The following BCL2 variants were observed in gnomAD, a reference collection of about 807,000 sequenced individuals.
The protein encoded by BCL2 is apoptosis regulator Bcl-2.
In BCL2, 1 loss-of-function variant was observed where a neutral mutation model predicts 14.2. That is an observed-to-expected ratio of 0.07 (90% CI 0.02 to 0.33). BCL2 has a LOEUF of 0.33. Among genes scored for constraint, BCL2 ranks in the 10% least tolerant of loss-of-function variants. BCL2 has a pLI of 0.99. For synonymous variants in BCL2, 151 were observed against 137.2 expected, an observed-to-expected ratio of 1.10 and a Z score of -0.70; for missense variants, 247 against 305.9, an observed-to-expected ratio of 0.81 and a Z score of 1.44.
intron 2 of BCL2, among the ~76,000 whole-genome samples, chr18:63,255,465 C>G (rs116681425): frequency 6.6e-6 from 1 of 152,156 alleles, no homozygotes; most frequent in Admixed American, 6.5e-5. Flanking sequence ...ATTGGAAAGC[C>G]GTATCTGATT....
Position 63,220,690 on chromosome 18 carries a change from A to G in BCL2, c.586-91931T>C, listed in dbSNP as rs564411601. ...AAAGAGGATCAGATGAATTCATCAT[A>G]TGGTGCTAATGACATGGTTCAAATG... On this transcript the variant is annotated intron_variant, in intron 2 of 2. Transcript: ENST00000333681. Among the ~76,000 whole-genome samples the G allele has an allele frequency of 1.5e-3, 235 of 152,346 alleles. 1 individual carries two copies. Among genetic ancestry groups the G allele is most frequent in the African/African-American group, 5.5e-3 (227 of 41,574 alleles).
chr18:63,144,126 A>G (rs959705813), intron 2 of BCL2, among the ~76,000 whole-genome samples: 1 of 152,228 alleles, frequency 6.6e-6, no homozygotes, highest in African/African-American at 2.4e-5. Context: ...TCCACAGGCA[A>G]CATGTTTTTC....
At chr18:63,137,992 C>T (rs762255343) in intron 2 of BCL2, among the ~76,000 whole-genome samples, 5 of 152,184 alleles carry the variant, frequency 3.3e-5, no homozygotes, top group Non-Finnish European at 5.9e-5. Flanking sequence ...GCTGGAGACT[C>T]ATTGGCAATA....
At chr18:63,294,035 T>C (rs886162834) in intron 2 of BCL2, among the ~76,000 whole-genome samples, 4 of 152,138 alleles carry the variant, frequency 2.6e-5, no homozygotes. Flanking sequence ...CAAAAGCCTG[T>C]CATTCTTAAA....
chr18:63,252,097 A>T (rs9807663), intron 2 of BCL2, among the ~76,000 whole-genome samples: 124,935 of 152,202 alleles, frequency 0.82, 52,577 homozygotes, highest in Non-Finnish European at 0.92. Context: ...CAAGGATAGA[A>T]TTATGTCTCT....
intron 2 of BCL2, among the ~76,000 whole-genome samples, chr18:63,297,212 C>CAAAA (rs886702866): frequency 7.1e-6 from 1 of 140,882 alleles, no homozygotes; most frequent in Admixed American, 7.1e-5. Context: ...AACTCTGTCT[C>CAAAA]AAAAAAAAAA....
chr18:63,198,107 G>A (rs1476572702), intron 2 of BCL2, among the ~76,000 whole-genome samples: 1 of 152,086 alleles, frequency 6.6e-6, no homozygotes, highest in Non-Finnish European at 1.5e-5. Context: ...TGAGTTGAAG[G>A]AAGACGGTTT....
intron 2 of BCL2, among the ~76,000 whole-genome samples, chr18:63,182,592 C>T (rs920235059): frequency 6.6e-6 from 1 of 152,168 alleles, no homozygotes; most frequent in African/African-American, 2.4e-5. Flanking sequence ...GAGCAGCTAC[C>T]ACAGCCACCC....
chr18:63,219,205 T>G (rs1376827191), intron 2 of BCL2, among the ~76,000 whole-genome samples: 1 of 152,232 alleles, frequency 6.6e-6, no homozygotes, highest in Non-Finnish European at 1.5e-5. Context: ...GGTTTTTGTT[T>G]GTGCTGTTCC....
chr18:63,235,236 C>A (rs1005611953), intron 2 of BCL2, among the ~76,000 whole-genome samples: 5 of 152,226 alleles, frequency 3.3e-5, no homozygotes, highest in African/African-American at 1.2e-4. Context: ...GGGGCTTGCA[C>A]TTTGGAGAGC....
At chr18:63,189,689 T>C (rs1909234250) in intron 2 of BCL2, among the ~76,000 whole-genome samples, 1 of 149,412 alleles carries the variant, frequency 6.7e-6, no homozygotes, top group African/African-American at 2.5e-5. Context: ...AAACGAGAAC[T>C]GGTGTCCCAC....
chr18:63,125,377 A>T lies in BCL2; in HGVS notation c.*3248T>A. On this transcript the variant is annotated 3_prime_UTR_variant, in exon 3 of 3. Transcript: ENST00000333681. ...TTCGGAGACGACCCGATGGCCATAG[A>T]CCCTGTCAGCTGTCATTCTGGCCTC... The T allele has an allele frequency of 4.5e-6, 1 of 224,512 alleles. No individual in the cohort carries two copies. Among genetic ancestry groups the T allele is most frequent in the African/African-American group, 2.2e-5 (1 of 44,898 alleles). The allele number at this position is 224,512 out of a possible 1,614,324, so 13.9% of individuals were successfully genotyped here.
chr18:63,281,556 A>G (rs990878272), intron 2 of BCL2, among the ~76,000 whole-genome samples: 3 of 151,896 alleles, frequency 2.0e-5, no homozygotes, highest in Admixed American at 6.6e-5. Context: ...AGTCTCAGCT[A>G]CTTGCAGGGC....
At chr18:63,136,990 C>T (rs1182670967) in intron 2 of BCL2, among the ~76,000 whole-genome samples, 1 of 152,226 alleles carries the variant, frequency 6.6e-6, no homozygotes, top group African/African-American at 2.4e-5. Context: ...CTTCTCTCCC[C>T]AGGATCACTG....
intron 2 of BCL2, among the ~76,000 whole-genome samples, chr18:63,182,149 G>T (rs1298980141): frequency 6.6e-6 from 1 of 152,190 alleles, no homozygotes; most frequent in Non-Finnish European, 1.5e-5. Flanking sequence ...AGAGCACTGG[G>T]TCTTATCCTT....
At chr18:63,250,065 A>G (rs900548488) in intron 2 of BCL2, among the ~76,000 whole-genome samples, 1 of 152,194 alleles carries the variant, frequency 6.6e-6, no homozygotes, top group Non-Finnish European at 1.5e-5. Context: ...TAGCTGTGCC[A>G]GGATCTGAGC....
chr18:63,247,971 A>G (rs1047522666), intron 2 of BCL2, among the ~76,000 whole-genome samples: 2 of 152,240 alleles, frequency 1.3e-5, no homozygotes, highest in Non-Finnish European at 2.9e-5. Flanking sequence ...TGGGAATAAG[A>G]AACAAAGAGG....
intron 2 of BCL2, among the ~76,000 whole-genome samples, chr18:63,266,855 T>G (rs146326020): frequency 1.3e-5 from 2 of 152,132 alleles, no homozygotes; most frequent in South Asian, 4.1e-4. Context: ...GGAAGGAATA[T>G]ATGTAAAGCC....
chr18:63,196,107 C>T (rs572273939), intron 2 of BCL2, among the ~76,000 whole-genome samples: 1 of 152,286 alleles, frequency 6.6e-6, no homozygotes, highest in African/African-American at 2.4e-5. Context: ...CTTATTTCCT[C>T]TTGGAGACCT....
Sources: allele counts gnomAD v4.1 joint callset (sites outside exome capture counted in the v4.1 genomes callset), GRCh38; gene constraint gnomAD v4.1.1; transcripts MANE v1.5; gene names NCBI Gene and HGNC (gene_info 2026-07-23, HGNC 2026-07-21).